BTLA: variants seen among roughly 807,000 people sequenced by gnomAD.
BTLA encodes the protein B- and T-lymphocyte attenuator.
A neutral mutation model predicts 25.0 loss-of-function variants in BTLA; 11 were observed. That is an observed-to-expected ratio of 0.44 (90% CI 0.28 to 0.73). The LOEUF (loss-of-function observed/expected upper bound fraction) is 0.73. Among genes scored for constraint, BTLA ranks in the 30% least tolerant of loss-of-function variants. The probability of loss-of-function intolerance (pLI) is 0.15; values close to 1 mark genes in which losing one functional copy is unlikely to be tolerated. For missense variants in BTLA, 282 were observed against 332.8 expected, an observed-to-expected ratio of 0.85 and a Z score of 1.19; for synonymous variants, 104 against 119.8, an observed-to-expected ratio of 0.87 and a Z score of 0.86.
chr3:112,482,152 ATT>A (rs550573971), intron 1 of BTLA, among the ~76,000 whole-genome samples: 3 of 151,916 alleles, frequency 2.0e-5, no homozygotes, highest in Non-Finnish European at 2.9e-5. Context: ...CTTTTAAATT[ATT>A]TTTTTCTCCA....
chr3:112,466,487 G>A (rs550079792), intron 4 of BTLA, 104 bp from the exon 5 acceptor site: 66 of 1,068,646 alleles, frequency 6.2e-5, no homozygotes, highest in Non-Finnish European at 8.3e-5. Flanking sequence ...CATGTCCATT[G>A]TGAGAAATAA....
intron 3 of BTLA, 39 bp downstream of exon 3, chr3:112,471,173 A>T (rs1214236789): frequency 1.3e-6 from 2 of 1,595,438 alleles, no homozygotes; most frequent in African/African-American, 2.7e-5. Context: ...AATGGCCCCA[A>T]ATGTGTGGTA....
chr3:112,484,306 A>G (rs566379211), intron 1 of BTLA, among the ~76,000 whole-genome samples: 1 of 152,202 alleles, frequency 6.6e-6, no homozygotes, highest in Non-Finnish European at 1.5e-5. Context: ...CCACCATGAG[A>G]AAATACAATG....
chr3:112,499,464 G>T lies in BTLA; in HGVS notation c.-106C>A. On this transcript the variant is annotated 5_prime_UTR_variant, in exon 1 of 5. Coordinates refer to ENST00000334529, the MANE Select transcript of BTLA (RefSeq NM_181780.4). ...GTTTACCTACCCCAGTGGCATCTGT[G>T]AAATAACTAAAAAAAAAAAAAAAAG... 264 of 471,766 alleles carry T rather than the reference G, an allele frequency of 5.6e-4. No individual in the cohort carries two copies. Among genetic ancestry groups the T allele is most frequent in the East Asian group, 8.4e-4 (21 of 25,122 alleles). The allele number at this position is 471,766 out of a possible 1,614,324, so 29.2% of individuals were successfully genotyped here.
intron 4 of BTLA, among the ~76,000 whole-genome samples, chr3:112,468,229 T>C (rs772611903): frequency 1.3e-5 from 2 of 152,248 alleles, no homozygotes; most frequent in Non-Finnish European, 2.9e-5. Context: ...TCAGTGGTTT[T>C]TATTAGGCAA....
chr3:112,483,140 C>CTTTTT lies in BTLA; in HGVS notation c.89-3376_89-3372dup, dbSNP rs35513528. The stretch of plus-strand genomic sequence containing the variant: ...AGTATCTAACAAAGAGGGCACCTTT[C>CTTTTT]TTTTTTTTTTTTTTTTTTTTTTTTG... On this transcript the variant is annotated intron_variant, in intron 1 of 4. Coordinates refer to ENST00000334529, the MANE Select transcript of BTLA (RefSeq NM_181780.4). Among the ~76,000 whole-genome samples the CTTTTT allele has an allele frequency of 8.8e-3, 453 of 51,578 alleles. 5 individuals are homozygous for CTTTTT. Among genetic ancestry groups the CTTTTT allele is most frequent in the African/African-American group, 0.02 (340 of 16,758 alleles). The allele number at this position is 51,578 out of a possible 152,430, so 33.8% of individuals were successfully genotyped here.
At chr3:112,485,400 G>A (rs2082341043) in intron 1 of BTLA, among the ~76,000 whole-genome samples, 1 of 152,090 alleles carries the variant, frequency 6.6e-6, no homozygotes, top group Admixed American at 6.5e-5. Flanking sequence ...CCCCTTTTCT[G>A]CCTGTTCTGA....
intron 1 of BTLA, among the ~76,000 whole-genome samples, chr3:112,494,067 G>A (rs910812625): frequency 3.9e-5 from 6 of 151,962 alleles, no homozygotes; most frequent in South Asian, 2.1e-4. Context: ...CGGAGATTGC[G>A]CCACTGCACT....
chr3:112,466,181 C>T lies in BTLA; in HGVS notation c.797G>A (p.Gly266Glu). ...ATTTCTTGCCAGTCTTGAGTTCGGT[C>T]CAATGACAGAATGGTTCAGGGAAGC... Reference protein sequence around the residue: ...VYASLNHSVIGPNSRLARNVK... With the variant: ...VYASLNHSVIEPNSRLARNVK... The change falls in exon 5 of 5, where the codon GGA (glycine) becomes GAA (glutamate). Residue 266 changes from glycine (G) to glutamate (E), a missense_variant. Coordinates refer to ENST00000334529, the MANE Select transcript of BTLA (RefSeq NM_181780.4). The T allele has an allele frequency of 6.2e-7, 1 of 1,613,694 alleles. No individual in the cohort carries two copies. Among genetic ancestry groups the T allele is most frequent in the South Asian group, 1.1e-5 (1 of 91,000 alleles).
At chr3:112,483,616 T>C (rs539407020) in intron 1 of BTLA, among the ~76,000 whole-genome samples, 41 of 152,240 alleles carry the variant, frequency 2.7e-4, no homozygotes, top group Middle Eastern at 3.4e-3. Context: ...GGAGCTTGCC[T>C]TCTAATGGGA....
At chr3:112,496,663 A>T (rs1333778505) in intron 1 of BTLA, among the ~76,000 whole-genome samples, 2 of 152,208 alleles carry the variant, frequency 1.3e-5, no homozygotes, top group African/African-American at 4.8e-5. Flanking sequence ...ATTTCACCAA[A>T]TGTTCCTTCT....
chr3:112,483,434 C>A (rs2082329243), intron 1 of BTLA, among the ~76,000 whole-genome samples: 1 of 151,666 alleles, frequency 6.6e-6, no homozygotes, highest in African/African-American at 2.4e-5. Flanking sequence ...AGGCTTGAGC[C>A]ACCACACCTG....
chr3:112,489,663 C>T (rs1165334726), intron 1 of BTLA, among the ~76,000 whole-genome samples: 1 of 152,088 alleles, frequency 6.6e-6, no homozygotes, highest in African/African-American at 2.4e-5. Flanking sequence ...TATAATAAAC[C>T]AATAATTTTC....
At chr3:112,495,841 G>A (rs2082406267) in intron 1 of BTLA, among the ~76,000 whole-genome samples, 1 of 152,130 alleles carries the variant, frequency 6.6e-6, no homozygotes, top group Admixed American at 6.5e-5. Context: ...GTGGGATGTG[G>A]AACACGGTGT....
At chr3:112,476,205 C>T (rs1170471917) in intron 2 of BTLA, among the ~76,000 whole-genome samples, 3 of 152,134 alleles carry the variant, frequency 2.0e-5, no homozygotes, top group East Asian at 1.9e-4. Context: ...TAACTAGCAC[C>T]GAGCTTCACG....
At chr3:112,492,323 T>C (rs192711802) in intron 1 of BTLA, among the ~76,000 whole-genome samples, 1 of 152,350 alleles carries the variant, frequency 6.6e-6, no homozygotes, top group Admixed American at 6.5e-5. Context: ...CTGTTACACA[T>C]AGGCCCTGTC....
intron 4 of BTLA, 149 bp downstream of exon 4, chr3:112,469,609 A>ATATG (rs1243511738): frequency 2.0e-5 from 1 of 49,726 alleles, no homozygotes; most frequent in African/African-American, 7.0e-5. Context: ...GGGTCTATGT[A>ATATG]TATATATATA....
intron 1 of BTLA, among the ~76,000 whole-genome samples, chr3:112,489,592 C>CA (rs1269353910): frequency 6.6e-6 from 1 of 152,148 alleles, no homozygotes; most frequent in African/African-American, 2.4e-5. Flanking sequence ...AAGAAAGTGT[C>CA]AGAGTTTAAC....
intron 2 of BTLA, among the ~76,000 whole-genome samples, chr3:112,478,795 C>G (rs2082302266): frequency 6.6e-6 from 1 of 152,004 alleles, no homozygotes; most frequent in Non-Finnish European, 1.5e-5. Context: ...CTTACCTACT[C>G]CCCCCCTATG....
Sources: gnomAD v4.1 joint callset for allele counts (sites outside exome capture counted in the v4.1 genomes callset) on GRCh38, gnomAD v4.1.1 for gene constraint, MANE v1.5 for transcripts, NCBI Gene and HGNC (gene_info 2026-07-23, HGNC 2026-07-21) for gene names.